UBE2U: variants seen among roughly 807,000 people sequenced by gnomAD.
UBE2U encodes the protein ubiquitin conjugating enzyme E2 U, also known as ubiquitin-conjugating enzyme E2 U.
In UBE2U, 39 loss-of-function variants were observed where a neutral mutation model predicts 41.2. The ratio of observed to expected loss-of-function variants is 0.95; its 90% CI spans 0.73 to 1.24. The LOEUF is 1.24. Among genes scored for constraint, UBE2U ranks in the 50% most tolerant of loss-of-function variants. The pLI is 0.00. For missense variants in UBE2U, 336 were observed against 363.1 expected, an observed-to-expected ratio of 0.93 and a Z score of 0.61; for synonymous variants, 107 against 117.8, an observed-to-expected ratio of 0.91 and a Z score of 0.60.
At chr1:64,206,717 T>C in intron 2 of UBE2U, 47 bp from the exon 3 acceptor site, 2 of 1,142,960 alleles carry the variant, frequency 1.7e-6, no homozygotes, top group Non-Finnish European at 2.6e-6. Context: ...TTACAGTTAA[T>C]CAATAAACAT....
At chr1:64,237,164 G>T (rs541504581) in intron 7 of UBE2U, among the ~76,000 whole-genome samples, 2 of 151,978 alleles carry the variant, frequency 1.3e-5, no homozygotes, top group Non-Finnish European at 2.9e-5. Flanking sequence ...CCTTTATGTT[G>T]CTCTATGGTT....
chr1:64,255,104 C>G (rs1048841125), intron 8 of UBE2U, among the ~76,000 whole-genome samples: 2 of 152,092 alleles, frequency 1.3e-5, no homozygotes, highest in African/African-American at 4.8e-5. Flanking sequence ...ACTGACCCCA[C>G]AGAAATACAA....
At chr1:64,241,775 A>T in intron 8 of UBE2U, 42 bp downstream of exon 8, 1 of 1,448,820 alleles carries the variant, frequency 6.9e-7, no homozygotes, top group East Asian at 2.3e-5. Context: ...ATTAACTTGA[A>T]TTGTCTATTA....
chr1:64,234,056 C>T (rs1644621447), intron 7 of UBE2U, among the ~76,000 whole-genome samples: 1 of 152,208 alleles, frequency 6.6e-6, no homozygotes, highest in Non-Finnish European at 1.5e-5. Context: ...CTCTGAAAGA[C>T]CTCTTCCACT....
chr1:64,221,659 T>A (rs1434764572), intron 6 of UBE2U, among the ~76,000 whole-genome samples: 1 of 152,346 alleles, frequency 6.6e-6, no homozygotes, highest in African/African-American at 2.4e-5. Context: ...CGGCATTTAA[T>A]TTCTTGAGCA....
chr1:64,267,087 A>C lies in UBE2U; in HGVS notation c.833A>C (p.Glu278Ala), dbSNP rs1485119999. 1 of 1,550,396 alleles carries C rather than the reference A, an allele frequency of 6.4e-7. No individual in the cohort carries two copies. The highest frequency in any genetic ancestry group is 8.7e-7 in the Non-Finnish European group (1 of 1,146,970). Residue 278 changes from glutamate to alanine, a missense_variant, in exon 10 of 10, where the codon GAG (glutamate) becomes GCG (alanine). Physicochemically the swap from Glu to Ala is moderately radical, Grantham distance 107. Coordinates refer to ENST00000371077, the MANE Select transcript of UBE2U (RefSeq NM_001366232.2). ...NSITDIYETE[E>A]EGWKSDTSLY... ...ATCACAGACATTTATGAAACAGAAG[A>C]GGAGGGGTGGAAGAGTGACACTTCA...
At position 64,265,860 on chromosome 1, in the gene UBE2U, A is replaced by T. The variant is rs775460351; in HGVS notation, c.770-1164A>T. Among the ~76,000 whole-genome samples, 5 of 152,214 alleles carry T rather than the reference A, an allele frequency of 3.3e-5. No individual in the cohort carries two copies. The South Asian group carries it at 1.0e-3, about 32-fold the overall frequency. ...CCCAAAATGCTGGGATTACAGGTGT[A>T]AGCCACCATGCCCGGTCTGTCTGTG... is the stretch of plus-strand genomic sequence containing the variant. On this transcript the variant is annotated intron_variant, in intron 9 of 9. Transcript: ENST00000371077.
intron 9 of UBE2U, among the ~76,000 whole-genome samples, chr1:64,260,947 T>C (rs151050594): frequency 2.2e-4 from 34 of 152,304 alleles, no homozygotes; most frequent in African/African-American, 6.7e-4. Flanking sequence ...TAGGTTGATA[T>C]ACAATTTGAA....
chr1:64,217,392 C>T (rs1407825876), intron 5 of UBE2U, among the ~76,000 whole-genome samples: 3 of 152,170 alleles, frequency 2.0e-5, no homozygotes, highest in Non-Finnish European at 4.4e-5. Flanking sequence ...CTGTTTGCCT[C>T]ATAGATTCTG....
chr1:64,204,028 T>G lies in UBE2U; in HGVS notation c.-23T>G. 1 of 1,611,966 alleles carries G rather than the reference T, an allele frequency of 6.2e-7. No individual in the cohort carries two copies. Among genetic ancestry groups the G allele is most frequent in the Admixed American group, 1.7e-5 (1 of 59,768 alleles). ...TAAACCTGAGGCATTTGGGGACAAG[T>G]GTCAGACCCTCCGCTGCCTATCATG... is the stretch of plus-strand genomic sequence containing the variant. On this transcript the variant is annotated 5_prime_UTR_variant, in exon 1 of 10. Coordinates refer to ENST00000371077, the MANE Select transcript of UBE2U (RefSeq NM_001366232.2).
At chr1:64,206,528 G>A (rs529727985) in intron 2 of UBE2U, among the ~76,000 whole-genome samples, 3 of 151,566 alleles carry the variant, frequency 2.0e-5, no homozygotes, top group East Asian at 3.9e-4. Context: ...ATGTTAGGGC[G>A]ACAAAGGTAG....
chr1:64,237,200 G>A (rs531685469), intron 7 of UBE2U, among the ~76,000 whole-genome samples: 2 of 151,486 alleles, frequency 1.3e-5, no homozygotes, highest in African/African-American at 4.8e-5. Context: ...AGAACATGCT[G>A]AGGCAAGTTG....
At chr1:64,246,454 CTTAA>C (rs1364283531) in intron 8 of UBE2U, among the ~76,000 whole-genome samples, 2 of 152,128 alleles carry the variant, frequency 1.3e-5, no homozygotes, top group African/African-American at 4.8e-5. Flanking sequence ...TATAAGTTTA[CTTAA>C]TTATGTATTT....
chr1:64,222,726 A>C (rs888862881), intron 6 of UBE2U, among the ~76,000 whole-genome samples: 1 of 152,370 alleles, frequency 6.6e-6, no homozygotes, highest in Non-Finnish European at 1.5e-5. Context: ...CATTCACAAT[A>C]AGATCTTGCA....
chr1:64,229,584 A>T (rs1441072276), intron 6 of UBE2U, among the ~76,000 whole-genome samples: 1 of 152,220 alleles, frequency 6.6e-6, no homozygotes, highest in Non-Finnish European at 1.5e-5. Context: ...AGGCCAGCTG[A>T]TTCCAGACCC....
intron 8 of UBE2U, among the ~76,000 whole-genome samples, chr1:64,255,864 A>G (rs1231897250): frequency 6.6e-6 from 1 of 152,188 alleles, no homozygotes; most frequent in Admixed American, 6.5e-5. Flanking sequence ...TCCTATGTCT[A>G]GAAAACCCCA....
At chr1:64,246,491 A>G (rs1644923156) in intron 8 of UBE2U, among the ~76,000 whole-genome samples, 1 of 152,204 alleles carries the variant, frequency 6.6e-6, no homozygotes, top group African/African-American at 2.4e-5. Flanking sequence ...AAGGAGTGCT[A>G]GCTTTATTCC....
rs551628442 is a variant in UBE2U at position 64,239,970 on chromosome 1, G to C, written c.596-1682G>C. ...ACTGTTTTCCACAATGGTTGAACTA[G>C]TTTACAGTCCCACCAACAGTGTAAA... On this transcript the variant is annotated intron_variant, in intron 7 of 9. Transcript: ENST00000371077. 2.8e-3 allele frequency among the ~76,000 whole-genome samples: 420 copies of C among 152,260 alleles called. 2 individuals are homozygous for C. Among genetic ancestry groups the C allele is most frequent in the African/African-American group, 9.6e-3 (401 of 41,572 alleles).
At chr1:64,266,178 T>C (rs1645251838) in intron 9 of UBE2U, among the ~76,000 whole-genome samples, 1 of 152,152 alleles carries the variant, frequency 6.6e-6, no homozygotes, top group Non-Finnish European at 1.5e-5. Context: ...CATCTAGAAA[T>C]ATAGACATTA....
Sources: allele counts gnomAD v4.1 joint callset (sites outside exome capture counted in the v4.1 genomes callset), GRCh38; gene constraint gnomAD v4.1.1; transcripts MANE v1.5; gene names NCBI Gene and HGNC (gene_info 2026-07-23, HGNC 2026-07-21).